OPHN1: variants seen among roughly 807,000 people sequenced by gnomAD.
OPHN1 encodes the protein oligophrenin 1.
OPHN1 carries 11 observed loss-of-function variants against 60.7 expected under a neutral mutation model. That is an observed-to-expected ratio of 0.18 (90% CI 0.11 to 0.30). The LOEUF (loss-of-function observed/expected upper bound fraction) is 0.30. Among genes scored for constraint, OPHN1 ranks in the 10% least tolerant of loss-of-function variants. OPHN1 has a pLI of 1.00. For synonymous variants in OPHN1, 226 were observed against 222.6 expected (o/e 1.02, Z -0.14); for missense variants, 449 against 611.0 (o/e 0.73, Z 2.80).
intron 6 of OPHN1, among the ~76,000 whole-genome samples, chrX:68,231,375 T>A (rs1409719604): frequency 1.8e-5 from 2 of 111,940 alleles, no homozygotes; most frequent in Non-Finnish European, 3.8e-5. Context: ...CTACAGTCAA[T>A]TTGGAAGACA....
At chrX:68,413,504 C>CT (rs1366279163) in intron 2 of OPHN1, among the ~76,000 whole-genome samples, 1 of 111,751 alleles carries the variant, frequency 8.9e-6, no homozygotes, top group Non-Finnish European at 1.9e-5. Context: ...ATGCCGTAAC[C>CT]ACCTATCCTT....
rs971919873 is a variant in OPHN1 at position 68,071,201 on chromosome X, T to C, written c.1834+1951A>G. 5.4e-5 allele frequency: 36 copies of C among 669,407 alleles called. No homozygotes were observed. The African/African-American group carries it at 6.9e-4, about 13-fold the overall frequency. The allele number at this position is 669,407 out of a possible 1,213,427, so 55.2% of individuals were successfully genotyped here. ...ACCTTCACAAAGTAGTTCAGCTCCT[T>C]CTTCATCAAAAAACCACCAGCCTTC... On this transcript the variant is annotated intron_variant, in intron 20 of 24. Transcript: ENST00000355520.
At chrX:68,124,345 C>T (rs745886534) in intron 15 of OPHN1, among the ~76,000 whole-genome samples, 1 of 110,464 alleles carries the variant, frequency 9.1e-6, no homozygotes, top group Non-Finnish European at 1.9e-5. Context: ...GTCAATTTAG[C>T]AAGAGGAAAT....
At chrX:68,094,942 C>A (rs979456115) in intron 19 of OPHN1, among the ~76,000 whole-genome samples, 2 of 111,018 alleles carry the variant, frequency 1.8e-5, no homozygotes, top group Non-Finnish European at 3.8e-5. Context: ...TACTCCCTAT[C>A]GATCTCTGCT....
chrX:68,161,945 T>C (rs1376961366), intron 15 of OPHN1, among the ~76,000 whole-genome samples: 2 of 111,354 alleles, frequency 1.8e-5, no homozygotes, highest in Non-Finnish European at 1.9e-5. Flanking sequence ...CTCTAGGTGA[T>C]AATGTTGAGT....
chrX:68,327,797 T>A (rs868865988), intron 2 of OPHN1, among the ~76,000 whole-genome samples: 1,106 of 66,206 alleles, frequency 0.017, 16 homozygotes, highest in Admixed American at 0.055. Flanking sequence ...ATAAAAAAAA[T>A]AAAAAAAAAA....
At chrX:68,327,644 A>G (rs2078270019) in intron 2 of OPHN1, among the ~76,000 whole-genome samples, 1 of 58,152 alleles carries the variant, frequency 1.7e-5, no homozygotes, top group Non-Finnish European at 2.8e-5. Context: ...AACGCTGCGG[A>G]AGGCCGCAGG....
intron 2 of OPHN1, among the ~76,000 whole-genome samples, chrX:68,321,308 T>C (rs934036287): frequency 5.4e-5 from 6 of 111,759 alleles, no homozygotes; most frequent in Admixed American, 4.8e-4. Flanking sequence ...TTTTAGGAGT[T>C]GTATGTCAGG....
At chrX:68,373,099 G>A (rs1355916838) in intron 2 of OPHN1, among the ~76,000 whole-genome samples, 1 of 111,953 alleles carries the variant, frequency 8.9e-6, no homozygotes, top group Non-Finnish European at 1.9e-5. Context: ...ACCTTCTGGA[G>A]AAGGTTCTTC....
intron 15 of OPHN1, among the ~76,000 whole-genome samples, chrX:68,141,001 GGTTT>G (rs2077240365): frequency 1.8e-5 from 2 of 111,649 alleles, no homozygotes; most frequent in South Asian, 7.5e-4. Context: ...CCCTTCAAAT[GGTTT>G]GTGTGACCTG....
At chrX:68,379,208 GTTCA>G (rs1168012443) in intron 2 of OPHN1, among the ~76,000 whole-genome samples, 1 of 110,980 alleles carries the variant, frequency 9.0e-6, no homozygotes, top group Non-Finnish European at 1.9e-5. Context: ...GTGAATGGGA[GTTCA>G]CTCATGATTT....
intron 15 of OPHN1, among the ~76,000 whole-genome samples, chrX:68,189,351 CTTTT>C (rs754382967): frequency 1.8e-5 from 2 of 111,475 alleles, no homozygotes; most frequent in African/African-American, 6.5e-5. Context: ...ATGATTTAAA[CTTTT>C]TTTTAATTTT....
chrX:68,372,278 C>A (rs2078533195), intron 2 of OPHN1, among the ~76,000 whole-genome samples: 1 of 111,890 alleles, frequency 8.9e-6, no homozygotes, highest in African/African-American at 3.2e-5. Flanking sequence ...GTCTGTTCAA[C>A]AAATGGAACT....
At chrX:68,084,636 GTTC>G (rs1367936536) in intron 19 of OPHN1, among the ~76,000 whole-genome samples, 1 of 110,210 alleles carries the variant, frequency 9.1e-6, no homozygotes, top group Non-Finnish European at 1.9e-5. Context: ...CTCACAGGTT[GTTC>G]TTCTTCAAGA....
At chrX:68,047,484 A>T (rs2076836083) in intron 24 of OPHN1, among the ~76,000 whole-genome samples, 1 of 111,820 alleles carries the variant, frequency 8.9e-6, no homozygotes, top group Non-Finnish European at 1.9e-5. Context: ...TTATGGTCAT[A>T]CAATAACTAT....
intron 15 of OPHN1, among the ~76,000 whole-genome samples, chrX:68,171,291 A>T (rs758185671): frequency 2.6e-4 from 29 of 111,630 alleles, no homozygotes; most frequent in South Asian, 1.1e-3. Context: ...AAAAAAATTT[A>T]AAAAAATGAA....
In OPHN1 at chrX:68,053,754, G is replaced by A. The variant is rs780427271; in HGVS notation, c.2215C>T (p.Arg739Cys). ...RPPGEKPTII[R>C]PPVRPPDPPC... ...GGATCTGGGGGCCTCACTGGGGGGC[G>A]GATGATGGTTGGCTTTTCTCCTGGA... is the stretch of plus-strand genomic sequence containing the variant. Residue 739 changes from arginine to cysteine, a missense_variant, in exon 22 of 25, where the codon CGC becomes TGC. By Grantham distance (180) the Arg-to-Cys change is radical. Coordinates refer to ENST00000355520, the MANE Select transcript of OPHN1 (RefSeq NM_002547.3). The A allele has an allele frequency of 3.3e-6, 4 of 1,210,825 alleles. No individual in the cohort carries two copies. The highest frequency in any genetic ancestry group is 2.2e-5 in the Admixed American group (1 of 45,938).
At chrX:68,193,846 G>T (rs1290065820) in intron 14 of OPHN1, 44 bp downstream of exon 14, 6 of 1,060,270 alleles carry the variant, frequency 5.7e-6, no homozygotes, top group African/African-American at 3.7e-5. Context: ...TAAAATCAGA[G>T]TGACGAGATT....
intron 17 of OPHN1, chrX:68,112,520 C>T: frequency 8.7e-6 from 1 of 115,603 alleles, no homozygotes; most frequent in East Asian, 2.8e-4. Context: ...CTTGTTTCAA[C>T]AAAGACGCAT....
Sources: gnomAD v4.1 joint callset for allele counts (sites outside exome capture counted in the v4.1 genomes callset) on GRCh38, gnomAD v4.1.1 for gene constraint, MANE v1.5 for transcripts, NCBI Gene and HGNC (gene_info 2026-07-23, HGNC 2026-07-21) for gene names.